Variants in IGF1 observed in about 807,000 individuals in gnomAD.
IGF1 encodes the protein insulin like growth factor 1, also known as insulin-like growth factor 1.
A neutral mutation model predicts 13.8 loss-of-function variants in IGF1; 4 were observed. The ratio of observed to expected loss-of-function variants is 0.29; its 90% CI spans 0.14 to 0.66. The LOEUF is 0.66. IGF1 is among the 30% of genes least tolerant of loss of function. The pLI is 0.78. For synonymous variants in IGF1, 76 were observed against 72.6 expected, an observed-to-expected ratio of 1.05 and a Z score of -0.23; for missense variants, 124 against 188.5, an observed-to-expected ratio of 0.66 and a Z score of 2.00.
chr12:102,452,273 A>AG (rs1879027210), intron 2 of IGF1, among the ~76,000 whole-genome samples: 1 of 150,086 alleles, frequency 6.7e-6, no homozygotes, highest in African/African-American at 2.4e-5. Flanking sequence ...AAAAAAAAAA[A>AG]AAAAAAAAAA....
At chr12:102,444,728 C>T (rs1025656709) in intron 2 of IGF1, among the ~76,000 whole-genome samples, 15 of 151,994 alleles carry the variant, frequency 9.9e-5, no homozygotes, top group Non-Finnish European at 2.1e-4. Context: ...AAAGCACTGC[C>T]CTAAGTGCCG....
At chr12:102,403,463 GT>G (rs749745849) in intron 3 of IGF1, among the ~76,000 whole-genome samples, 74 of 141,798 alleles carry the variant, frequency 5.2e-4, no homozygotes, top group East Asian at 6.1e-4. Context: ...GATAGTGAGG[GT>G]TTTTTTTTTT....
At chr12:102,419,011 A>G (rs1005479168) in intron 3 of IGF1, among the ~76,000 whole-genome samples, 2 of 152,264 alleles carry the variant, frequency 1.3e-5, no homozygotes, top group African/African-American at 2.4e-5. Context: ...TTGAAAGGTT[A>G]CAAGCTTTGT....
At position 102,396,973 on chromosome 12, in the gene IGF1, C is replaced by G. The variant is rs906191639; in HGVS notation, c.*5534G>C. Reference sequence around the variant, plus strand: ...ATCCCAGCAATTTGGGAGGCTGAGGCGGGCAAATCACAAGGTCAGGAGTTT... The same window carrying G: ...ATCCCAGCAATTTGGGAGGCTGAGGGGGGCAAATCACAAGGTCAGGAGTTT... On this transcript the variant is annotated 3_prime_UTR_variant, in exon 4 of 4. Coordinates refer to ENST00000337514, the MANE Select transcript of IGF1 (RefSeq NM_000618.5). 5 of 396,432 alleles carry G rather than the reference C, an allele frequency of 1.3e-5. No homozygotes were observed. Among genetic ancestry groups the G allele is most frequent in the Non-Finnish European group, 2.2e-5 (5 of 224,964 alleles). 24.6% of individuals were successfully genotyped at this position (396,432 alleles called of 1,614,324 possible).
chr12:102,423,323 G>A (rs1339658030), intron 2 of IGF1: 1 of 150,344 alleles, frequency 6.7e-6, no homozygotes, highest in Non-Finnish European at 1.5e-5. Flanking sequence ...CTACAGCAAG[G>A]TGTGGTCCAA....
chr12:102,423,937 A>G (rs1328509321), intron 2 of IGF1, among the ~76,000 whole-genome samples: 1 of 152,218 alleles, frequency 6.6e-6, no homozygotes, highest in African/African-American at 2.4e-5. Flanking sequence ...CTGATGCTGC[A>G]TAAGTTTGTG....
In IGF1 at chr12:102,402,218, AG is replaced by A. The variant is rs2136939171; in HGVS notation, c.*288del. The A allele has an allele frequency of 5.2e-6, 1 of 192,478 alleles. No individual in the cohort carries two copies. The highest frequency in any genetic ancestry group is 1.3e-4 in the East Asian group (1 of 7,552). The allele number at this position is 192,478 out of a possible 1,614,324, so 11.9% of individuals were successfully genotyped here. A position where few individuals can be genotyped will look rare whatever the true frequency, so the allele number is the denominator to read the frequency against. ...CATGCATTTGTGGCTCTTGAGAGGC[AG>A]GGACTAAGATATATATATATATATA... On this transcript the variant is annotated 3_prime_UTR_variant, in exon 4 of 4. Coordinates refer to ENST00000337514, the MANE Select transcript of IGF1 (RefSeq NM_000618.5).
chr12:102,402,301 A>T lies in IGF1; in HGVS notation c.*206T>A, dbSNP rs1873748781. The T allele has an allele frequency of 7.1e-6, 4 of 567,294 alleles. No homozygotes were observed. In the South Asian group the frequency reaches 9.0e-5, roughly 13 times the overall value. The allele number at this position is 567,294 out of a possible 1,614,324, so 35.1% of individuals were successfully genotyped here. ...ATAAAAGATCAACAGCAATCTACCAACTCCAGGACCATTTTTGCAAGGTGC... is the reference window on the plus strand; with the variant it reads ...ATAAAAGATCAACAGCAATCTACCATCTCCAGGACCATTTTTGCAAGGTGC... On this transcript the variant is annotated 3_prime_UTR_variant, in exon 4 of 4. Transcript: ENST00000337514.
chr12:102,403,660 G>A (rs1338145238), intron 3 of IGF1, among the ~76,000 whole-genome samples: 3 of 134,952 alleles, frequency 2.2e-5, no homozygotes, highest in Admixed American at 7.6e-5. Flanking sequence ...TTGTAGAGAC[G>A]GGGTTTTGCT....
Position 102,480,370 on chromosome 12 carries a change from G to T in IGF1, c.12C>A (p.Ile4=). 1.9e-6 allele frequency: 3 copies of T among 1,613,598 alleles called. No individual in the cohort carries two copies. The highest frequency in any genetic ancestry group is 2.2e-5 in the South Asian group (2 of 91,074). The change falls in exon 1 of 4, where the codon ATC becomes ATA. Residue 4 remains isoleucine (I), a synonymous_variant. Transcript: ENST00000337514. ...TAAATAATTGGGTTGGAAGACTGCT[G>T]ATTTTTCCCATTGCTTCTGAAGTAC... MGK[I]SSLPTQLFKC...
chr12:102,456,893 A>G (rs908295669), intron 2 of IGF1, among the ~76,000 whole-genome samples: 2 of 152,152 alleles, frequency 1.3e-5, no homozygotes, highest in Non-Finnish European at 2.9e-5. Context: ...GCCCTCCCTC[A>G]ATTCTAACAA....
At chr12:102,456,814 G>A (rs573442894) in intron 2 of IGF1, among the ~76,000 whole-genome samples, 2 of 152,092 alleles carry the variant, frequency 1.3e-5, no homozygotes, top group African/African-American at 2.4e-5. Context: ...CAGTCCCCAC[G>A]TTCCAAAGGA....
At chr12:102,436,822 T>A (rs999740765) in intron 2 of IGF1, among the ~76,000 whole-genome samples, 2 of 152,216 alleles carry the variant, frequency 1.3e-5, no homozygotes, top group Non-Finnish European at 2.9e-5. Context: ...CATACATAAG[T>A]GGCAGGAAGA....
chr12:102,444,831 T>C (rs922968124), intron 2 of IGF1, among the ~76,000 whole-genome samples: 3 of 152,044 alleles, frequency 2.0e-5, no homozygotes, highest in African/African-American at 4.8e-5. Context: ...TAAATAACTA[T>C]GATATAAAGC....
chr12:102,402,952 T>G (rs1395919690), intron 3 of IGF1, among the ~76,000 whole-genome samples: 2 of 152,254 alleles, frequency 1.3e-5, no homozygotes, highest in African/African-American at 4.8e-5. Context: ...TCATCCTCTG[T>G]TGTTTTATTG....
At chr12:102,422,015 A>C (rs1018602988) in intron 2 of IGF1, among the ~76,000 whole-genome samples, 1 of 150,662 alleles carries the variant, frequency 6.6e-6, no homozygotes, top group Non-Finnish European at 1.5e-5. Context: ...AGTCATCATC[A>C]TCACAGCAAA....
intron 2 of IGF1, among the ~76,000 whole-genome samples, chr12:102,440,637 C>T (rs1039419929): frequency 2.0e-5 from 3 of 152,096 alleles, no homozygotes; most frequent in Non-Finnish European, 4.4e-5. Flanking sequence ...AAAATCCTAT[C>T]TTTGGTAGCT....
chr12:102,423,649 T>C (rs2137018506), intron 2 of IGF1, among the ~76,000 whole-genome samples: 1 of 152,300 alleles, frequency 6.6e-6, no homozygotes, highest in South Asian at 2.1e-4. Flanking sequence ...AGCTGGCTTC[T>C]ATAATAACAG....
intron 2 of IGF1, among the ~76,000 whole-genome samples, chr12:102,436,620 G>C (rs1198648305): frequency 6.6e-6 from 1 of 152,052 alleles, no homozygotes; most frequent in African/African-American, 2.4e-5. Context: ...AAGGAGGGTG[G>C]AAGGGAATAT....
Sources: allele counts gnomAD v4.1 joint callset (sites outside exome capture counted in the v4.1 genomes callset), GRCh38; gene constraint gnomAD v4.1.1; transcripts MANE v1.5; gene names NCBI Gene and HGNC (gene_info 2026-07-23, HGNC 2026-07-21).